Variants in DNAH7 observed in about 807,000 individuals in gnomAD.
The protein encoded by DNAH7 is axonemal beta dynein heavy chain 7.
In DNAH7, 397 loss-of-function variants were observed where a neutral mutation model predicts 444.6. That is an observed-to-expected ratio of 0.89 (90% CI 0.82 to 0.97). The LOEUF (loss-of-function observed/expected upper bound fraction) is 0.97. Among genes scored for constraint, DNAH7 ranks in the 50% least tolerant of loss-of-function variants. The pLI is 0.00. For missense variants in DNAH7, 4,902 were observed against 4,800.8 expected (o/e 1.02, Z -0.62); for synonymous variants, 1,636 against 1,624.4 (o/e 1.01, Z -0.17).
chr2:195,973,934 C>T (rs573714110), intron 15 of DNAH7, among the ~76,000 whole-genome samples: 20 of 152,004 alleles, frequency 1.3e-4, no homozygotes, highest in Admixed American at 9.8e-4. Context: ...AATAATTGGA[C>T]GGGTGTGGTG....
intron 40 of DNAH7, among the ~76,000 whole-genome samples, chr2:195,867,373 T>C (rs1700405952): frequency 6.6e-6 from 1 of 152,244 alleles, no homozygotes; most frequent in Non-Finnish European, 1.5e-5. Context: ...TAATTTCTGG[T>C]ATATTTATAT....
At chr2:195,809,159 C>T (rs1298256951) in intron 52 of DNAH7, among the ~76,000 whole-genome samples, 5 of 152,250 alleles carry the variant, frequency 3.3e-5, no homozygotes, top group South Asian at 4.1e-4. Flanking sequence ...TATTCGAATA[C>T]GTGTTTTCCA....
chr2:195,748,771 C>G (rs1693595640), intron 63 of DNAH7, among the ~76,000 whole-genome samples: 2 of 152,302 alleles, frequency 1.3e-5, no homozygotes, highest in South Asian at 4.1e-4. Flanking sequence ...GCTGGGAAAA[C>G]TGGCTAGCCA....
rs749625857 is a variant in DNAH7 at position 195,987,130 on chromosome 2, C to T, written c.1690G>A (p.Ala564Thr). 10 of 1,608,962 alleles carry T rather than the reference C, an allele frequency of 6.2e-6. No homozygotes were observed. Among genetic ancestry groups the T allele is most frequent in the Non-Finnish European group, 2.5e-6 (3 of 1,178,136 alleles). ...AGAAGTTTCCCACAAATAATATCTG[C>T]TCGCTTCACCAAAGCTCTGATTAAT... is the stretch of plus-strand genomic sequence containing the variant. ...EELIRALVKR[A>T]DIICGKLLAK... The change falls in exon 14 of 65, where the codon GCA (alanine) becomes ACA (threonine). Residue 564 changes from alanine to threonine, a missense_variant. By Grantham distance (58) the Ala-to-Thr change is moderately conservative. Coordinates refer to ENST00000312428, the MANE Select transcript of DNAH7 (RefSeq NM_018897.3).
At chr2:195,987,447 T>G (rs1277926437) in intron 13 of DNAH7, among the ~76,000 whole-genome samples, 1 of 152,070 alleles carries the variant, frequency 6.6e-6, no homozygotes, top group Non-Finnish European at 1.5e-5. Context: ...AATAACAATT[T>G]TGGTGAATTG....
At chr2:195,829,969 T>G (rs538749697) in intron 48 of DNAH7, among the ~76,000 whole-genome samples, 1 of 152,208 alleles carries the variant, frequency 6.6e-6, no homozygotes, top group East Asian at 1.9e-4. Flanking sequence ...TTTAAAGCAT[T>G]TTGAATTTTA....
chr2:195,757,529 G>A (rs1454264614), intron 61 of DNAH7, among the ~76,000 whole-genome samples: 2 of 152,100 alleles, frequency 1.3e-5, no homozygotes, highest in Non-Finnish European at 2.9e-5. Flanking sequence ...TAAATTTGAT[G>A]TACTAAATAC....
At chr2:195,946,675 T>TTCTTTCTCTC (rs1157917658) in intron 19 of DNAH7, among the ~76,000 whole-genome samples, 7 of 151,778 alleles carry the variant, frequency 4.6e-5, no homozygotes, top group Non-Finnish European at 8.8e-5. Flanking sequence ...CACTCTCTCT[T>TTCTTTCTCTC]TCTTTCTCTC....
chr2:195,900,259 G>T (rs1300153892), intron 28 of DNAH7, 23 bp downstream of exon 28: 1 of 1,609,344 alleles, frequency 6.2e-7, no homozygotes, highest in Non-Finnish European at 8.5e-7. Context: ...AAATTTACAA[G>T]TAAGAAATAT....
At chr2:196,014,989 G>A (rs760817644) in intron 9 of DNAH7, among the ~76,000 whole-genome samples, 2 of 151,850 alleles carry the variant, frequency 1.3e-5, no homozygotes, top group Non-Finnish European at 2.9e-5. Flanking sequence ...ATGCTGGCTT[G>A]TTTCCAGTCT....
intron 51 of DNAH7, among the ~76,000 whole-genome samples, chr2:195,814,888 A>T (rs1317751507): frequency 1.3e-5 from 2 of 151,778 alleles, no homozygotes; most frequent in East Asian, 3.9e-4. Flanking sequence ...CTACAAGCCC[A>T]CACCACCGTG....
chr2:195,889,354 T>G (rs74745350), intron 31 of DNAH7, among the ~76,000 whole-genome samples: 12,599 of 151,416 alleles, frequency 0.083, 829 homozygotes, highest in East Asian at 0.28. Flanking sequence ...CACTCTGTTG[T>G]CCAGGCTGGA....
At chr2:195,876,903 G>A (rs1701096529) in intron 36 of DNAH7, among the ~76,000 whole-genome samples, 1 of 152,100 alleles carries the variant, frequency 6.6e-6, no homozygotes, top group Non-Finnish European at 1.5e-5. Flanking sequence ...GACTTCTCTG[G>A]TTTTCACAGC....
rs1211757439 is a variant in DNAH7, at chr2:195,961,386, C to G, written c.2206-441G>C. Among the ~76,000 whole-genome samples, 3 of 148,268 alleles carry G rather than the reference C, an allele frequency of 2.0e-5. No individual in the cohort carries two copies. In the East Asian group the frequency reaches 8.8e-4, roughly 44 times the overall value. On this transcript the variant is annotated intron_variant, in intron 17 of 64. Coordinates refer to ENST00000312428, the MANE Select transcript of DNAH7 (RefSeq NM_018897.3). ...TTTTATCCTTTGACCAACATCTTCC[C>G]CAATCCCCACTACCCACCAGCCCCA... is the stretch of plus-strand genomic sequence containing the variant.
chr2:195,972,445 C>T lies in DNAH7; in HGVS notation c.1855G>A (p.Val619Ile), dbSNP rs1315256846. Residue 619 changes from valine to isoleucine, a missense_variant, in exon 16 of 65, where the codon GTA becomes ATA. Physicochemically the swap from Val to Ile is conservative, Grantham distance 29 (BLOSUM62 3). Transcript: ENST00000312428. ...TGTTCTAGTTCAATCATATCAGTTA[C>T]CTCCACTTTCTGAATGTAAGCCTGA... ...EMKAYIQKVE[V>I]TDMIELEQRL... 3 of 1,613,942 alleles carry T rather than the reference C, an allele frequency of 1.9e-6. No homozygotes were observed. Among genetic ancestry groups the T allele is most frequent in the East Asian group, 2.2e-5 (1 of 44,870 alleles).
At chr2:196,054,865 GAAGA>G (rs938041149) in intron 2 of DNAH7, among the ~76,000 whole-genome samples, 3 of 152,164 alleles carry the variant, frequency 2.0e-5, no homozygotes, top group Non-Finnish European at 2.9e-5. Context: ...ACCATGTGAA[GAAGA>G]AAGTTGCTTC....
chr2:195,995,954 T>C (rs537189315), intron 12 of DNAH7, among the ~76,000 whole-genome samples: 7 of 152,352 alleles, frequency 4.6e-5, no homozygotes, highest in South Asian at 2.1e-4. Context: ...TTGATAGAGA[T>C]TGCATTAAAT....
chr2:195,956,201 G>C (rs1341857842), intron 19 of DNAH7, among the ~76,000 whole-genome samples: 1 of 151,690 alleles, frequency 6.6e-6, no homozygotes, highest in Non-Finnish European at 1.5e-5. Context: ...TCTATTTCAG[G>C]GTAAGACATT....
At chr2:195,813,421 C>T (rs554065352) in intron 51 of DNAH7, among the ~76,000 whole-genome samples, 3 of 152,270 alleles carry the variant, frequency 2.0e-5, no homozygotes, top group South Asian at 2.1e-4. Context: ...CTCAAAGACC[C>T]AGAAGCCATT....
Sources: allele counts gnomAD v4.1 joint callset (sites outside exome capture counted in the v4.1 genomes callset), GRCh38; gene constraint gnomAD v4.1.1; transcripts MANE v1.5; gene names NCBI Gene and HGNC (gene_info 2026-07-23, HGNC 2026-07-21).